Variants in MACROD2 observed in about 807,000 individuals in gnomAD.
MACROD2 encodes ADP-ribose glycohydrolase MACROD2.
In MACROD2, 36 loss-of-function variants were observed where a neutral mutation model predicts 70.4. The ratio of observed to expected loss-of-function variants is 0.51; its 90% CI spans 0.39 to 0.68. The LOEUF is 0.68. MACROD2 is among the 30% of genes least tolerant of loss of function. The pLI, the probability that MACROD2 is intolerant of heterozygous loss-of-function variation, is 0.00. For missense variants in MACROD2, 496 were observed against 538.4 expected (o/e 0.92, Z 0.78); for synonymous variants, 172 against 178.8 (o/e 0.96, Z 0.30).
chr20:15,905,467 A>G (rs748855328), intron 10 of MACROD2, among the ~76,000 whole-genome samples: 4 of 152,216 alleles, frequency 2.6e-5, no homozygotes, highest in South Asian at 2.1e-4. Context: ...TTCCTAAACC[A>G]AGGATGAAGA....
chr20:15,310,230 T>C (rs1044369753), intron 6 of MACROD2, among the ~76,000 whole-genome samples: 1 of 152,200 alleles, frequency 6.6e-6, no homozygotes, highest in Non-Finnish European at 1.5e-5. Flanking sequence ...ATTTTTCTTT[T>C]ACTATGCTTT....
At chr20:15,360,176 A>G (rs1568747790) in intron 6 of MACROD2, among the ~76,000 whole-genome samples, 1 of 152,190 alleles carries the variant, frequency 6.6e-6, no homozygotes, top group Non-Finnish European at 1.5e-5. Context: ...GATGTTCCAC[A>G]TATCAGTAGT....
chr20:15,054,973 G>A lies in MACROD2; in HGVS notation c.419-174967G>A, dbSNP rs1236302104. ...TTTTTTTTTTTTTTTTTTTGAGATG[G>A]AGTTTCACTCTTGTTGCTCAGGCTG... is the stretch of plus-strand genomic sequence containing the variant. On this transcript the variant is annotated intron_variant, in intron 5 of 17. Transcript: ENST00000684519. 1.7e-4 allele frequency among the ~76,000 whole-genome samples: 23 copies of A among 137,698 alleles called. 1 individual carries two copies. Among genetic ancestry groups the A allele is most frequent in the Admixed American group, 1.4e-3 (19 of 13,796 alleles). 90.3% of individuals were successfully genotyped at this position (137,698 alleles called of 152,430 possible).
At chr20:14,849,861 A>G (rs144778570) in intron 5 of MACROD2, 1 of 426,746 alleles carries the variant, frequency 2.3e-6, no homozygotes. Context: ...CCCAATAAAA[A>G]TAGGCTCCTA....
intron 8 of MACROD2, among the ~76,000 whole-genome samples, chr20:15,573,602 T>C (rs2048404657): frequency 6.6e-6 from 1 of 152,150 alleles, no homozygotes; most frequent in African/African-American, 2.4e-5. Flanking sequence ...ACAATTCTAT[T>C]GAAGAAGCCT....
chr20:15,995,751 T>C (rs2066622435), intron 15 of MACROD2, among the ~76,000 whole-genome samples: 1 of 150,928 alleles, frequency 6.6e-6, no homozygotes, highest in African/African-American at 2.4e-5. Flanking sequence ...GCCCTCAAGT[T>C]TCATCCATGT....
intron 2 of MACROD2, among the ~76,000 whole-genome samples, chr20:14,027,966 T>C (rs964626963): frequency 6.6e-6 from 1 of 152,194 alleles, no homozygotes. Flanking sequence ...CTGCTCTCTT[T>C]AGAGCCAGCA....
intron 8 of MACROD2, among the ~76,000 whole-genome samples, chr20:15,771,220 G>C (rs2051619576): frequency 6.6e-6 from 1 of 152,040 alleles, no homozygotes; most frequent in African/African-American, 2.4e-5. Context: ...TGTTACCCAG[G>C]CTGGTGTACA....
intron 8 of MACROD2, among the ~76,000 whole-genome samples, chr20:15,641,987 A>G (rs1262086148): frequency 6.6e-6 from 1 of 152,202 alleles, no homozygotes; most frequent in African/African-American, 2.4e-5. Flanking sequence ...AAGTGGCCTG[A>G]AGGTGGCTTT....
chr20:14,103,075 A>G (rs2054320270), intron 3 of MACROD2, among the ~76,000 whole-genome samples: 1 of 151,910 alleles, frequency 6.6e-6, no homozygotes, highest in Non-Finnish European at 1.5e-5. Flanking sequence ...CTGACTTATC[A>G]CTTTGTTTTT....
intron 6 of MACROD2, among the ~76,000 whole-genome samples, chr20:15,307,072 A>G (rs1260158888): frequency 1.3e-5 from 2 of 152,038 alleles, no homozygotes; most frequent in African/African-American, 4.8e-5. Flanking sequence ...AAGGCACCCC[A>G]CCCCATGACC....
chr20:16,021,166 A>G (rs1183836447), intron 15 of MACROD2, among the ~76,000 whole-genome samples: 1 of 152,186 alleles, frequency 6.6e-6, no homozygotes, highest in African/African-American at 2.4e-5. Flanking sequence ...GGACATGAAA[A>G]TAAGTAGTAT....
chr20:14,910,978 A>G (rs2122593121), intron 5 of MACROD2, among the ~76,000 whole-genome samples: 1 of 152,332 alleles, frequency 6.6e-6, no homozygotes, highest in East Asian at 1.9e-4. Context: ...ATGAAAAAAT[A>G]CTATGTGTGA....
intron 4 of MACROD2, among the ~76,000 whole-genome samples, chr20:14,671,757 C>T (rs79726842): frequency 0.03 from 4,555 of 152,274 alleles, 97 homozygotes; most frequent in Non-Finnish European, 0.044. Context: ...CAGCCCAAGG[C>T]AGGCTCAAAT....
At chr20:15,223,763 T>A (rs936596601) in intron 5 of MACROD2, among the ~76,000 whole-genome samples, 15 of 152,152 alleles carry the variant, frequency 9.9e-5, no homozygotes, top group Non-Finnish European at 4.4e-5. Context: ...ATTATAGCTG[T>A]TTTAAGATAT....
At chr20:15,007,091 G>A (rs529795953) in intron 5 of MACROD2, among the ~76,000 whole-genome samples, 66 of 152,218 alleles carry the variant, frequency 4.3e-4, no homozygotes, top group East Asian at 1.5e-3. Context: ...GAGGCCGGGC[G>A]CAGTGGCTCA....
At chr20:15,035,451 A>G (rs2075305751) in intron 5 of MACROD2, among the ~76,000 whole-genome samples, 1 of 152,132 alleles carries the variant, frequency 6.6e-6, no homozygotes, top group Non-Finnish European at 1.5e-5. Flanking sequence ...TAGGTAAAAA[A>G]TTGTAGTCAA....
At chr20:15,173,805 G>A (rs901331140) in intron 5 of MACROD2, among the ~76,000 whole-genome samples, 2 of 152,148 alleles carry the variant, frequency 1.3e-5, no homozygotes, top group African/African-American at 2.4e-5. Flanking sequence ...GAGTCCTACT[G>A]TAATCTGAGT....
At chr20:14,314,839 A>G (rs1352920860) in intron 3 of MACROD2, among the ~76,000 whole-genome samples, 1 of 152,136 alleles carries the variant, frequency 6.6e-6, no homozygotes, top group Non-Finnish European at 1.5e-5. Flanking sequence ...CCCGTGAGTT[A>G]AGTCCTCTAC....
Sources: gnomAD v4.1 joint callset for allele counts (sites outside exome capture counted in the v4.1 genomes callset) on GRCh38, gnomAD v4.1.1 for gene constraint, MANE v1.5 for transcripts, NCBI Gene and HGNC (gene_info 2026-07-23, HGNC 2026-07-21) for gene names.